Variants in WDR90 observed in about 807,000 individuals in gnomAD.
The protein encoded by WDR90 is WD repeat-containing protein 90.
Under a neutral mutation model 195.2 loss-of-function variants are expected in WDR90, and 238 were observed. The observed-to-expected ratio is 1.22, with a 90% CI of 1.10 to 1.36. WDR90 has a LOEUF of 1.36. Among genes scored for constraint, WDR90 ranks in the 40% most tolerant of loss-of-function variants. The pLI is 0.00. For synonymous variants in WDR90, 1,265 were observed against 1,052.4 expected, an observed-to-expected ratio of 1.20 and a Z score of -3.91; for missense variants, 2,734 against 2,439.5, an observed-to-expected ratio of 1.12 and a Z score of -2.54.
intron 26 of WDR90, 50 bp downstream of exon 26, chr16:659,426 G>A (rs746586937): frequency 3.8e-6 from 6 of 1,570,490 alleles, no homozygotes; most frequent in Non-Finnish European, 5.2e-6. Context: ...GGTCTGAGAG[G>A]GCACAGGCCC....
chr16:662,772 G>A lies in WDR90; in HGVS notation c.4239G>A (p.Thr1413=), dbSNP rs760284109. 17 of 1,607,914 alleles carry A rather than the reference G, an allele frequency of 1.1e-5. No homozygotes were observed. The highest frequency in any genetic ancestry group is 4.0e-5 in the African/African-American group (3 of 74,890). Residue 1413 remains threonine (T), a synonymous_variant, in exon 34 of 41, where the codon ACG becomes ACA. Transcript: ENST00000293879. ...TGGACATGGGCGTCGTGGGCACCAC[G>A]GCGGGCACGCTGTGGTTTGTCAGCT... is the stretch of plus-strand genomic sequence containing the variant. ...DSVDMGVVGT[T]AGTLWFVSWA... is the part of the protein sequence containing the mutation.
chr16:659,819 G>A (rs1397662741), intron 26 of WDR90, among the ~76,000 whole-genome samples: 2 of 152,208 alleles, frequency 1.3e-5, no homozygotes, highest in Admixed American at 6.5e-5. Flanking sequence ...GGAGGGCAGG[G>A]CAGGGACGCT....
chr16:657,936 G>C (rs777209282), intron 21 of WDR90, 44 bp downstream of exon 21: 2 of 1,504,090 alleles, frequency 1.3e-6, no homozygotes, highest in Non-Finnish European at 1.8e-6. Flanking sequence ...TGGGCCATGA[G>C]AGGCTGGCTG....
In WDR90 at chr16:667,787, T is replaced by C; in HGVS notation, c.*198T>C. 1 of 730,414 alleles carries C rather than the reference T, an allele frequency of 1.4e-6. No homozygotes were observed. Among genetic ancestry groups the C allele is most frequent in the Non-Finnish European group, 2.4e-6 (1 of 424,218 alleles). The allele number at this position is 730,414 out of a possible 1,614,324, so 45.2% of individuals were successfully genotyped here. On this transcript the variant is annotated 3_prime_UTR_variant, in exon 41 of 41. Coordinates refer to ENST00000293879, the MANE Select transcript of WDR90 (RefSeq NM_145294.5). The stretch of plus-strand genomic sequence containing the variant: ...ACCTGTTGCCCTTTTGCCTAAGAAA[T>C]CTTTAATGTTTCTATCTTGTAATAA...
Position 667,520 on chromosome 16 carries a change from AC to A in WDR90, c.5180del (p.Pro1727ArgfsTer87), listed in dbSNP as rs746090336. ...DNAVHLCRFTPSARLLFTAAR... is the reference protein window; with the variant it reads ...DNAVHLCRFTXSARLLFTAAR... ...ACGCAGTGCACCTGTGCAGGTTTAC[AC>A]CGTCCGCCAGGCTGCTCTTCACGGC... On this transcript the variant is annotated frameshift_variant, in exon 41 of 41. Transcript: ENST00000293879. LOFTEE classifies it high-confidence loss of function. The A allele has an allele frequency of 2.4e-5, 39 of 1,612,414 alleles. No homozygotes were observed. The East Asian group carries it at 7.8e-4, about 32-fold the overall frequency.
intron 7 of WDR90, among the ~76,000 whole-genome samples, 172 bp downstream of exon 7, chr16:651,438 T>C (rs900784550): frequency 9.2e-5 from 14 of 151,982 alleles, no homozygotes; most frequent in African/African-American, 3.4e-4. Context: ...GGGTGGGAAG[T>C]CTGTGTGAGG....
At chr16:649,202 A>G (rs1477031736), upstream of WDR90, 3 of 460,718 alleles carry the variant, frequency 6.5e-6, no homozygotes, top group Non-Finnish European at 3.5e-6. Context: ...CCCGCGGGGC[A>G]AAGGGCAGCG....
chr16:656,619 T>C, intron 18 of WDR90, 82 bp downstream of exon 18: 2 of 1,573,930 alleles, frequency 1.3e-6, no homozygotes, highest in African/African-American at 1.3e-5. Context: ...GAGAGGGGCC[T>C]ATAGGGACCT....
intron 20 of WDR90, among the ~76,000 whole-genome samples, 167 bp from the exon 21 acceptor site, chr16:657,595 G>A (rs748989141): frequency 3.3e-5 from 5 of 152,324 alleles, no homozygotes; most frequent in Admixed American, 1.3e-4. Context: ...CCCTGGCAGC[G>A]CCTGGCGCCC....
chr16:650,215 C>T (rs149400734), intron 3 of WDR90, 39 bp from the exon 4 acceptor site: 149 of 1,610,746 alleles, frequency 9.3e-5, no homozygotes, highest in Middle Eastern at 8.3e-4. Context: ...GGCACCCCTG[C>T]GGCCCCTGTC....
intron 26 of WDR90, 149 bp downstream of exon 26, chr16:659,525 G>A: frequency 8.7e-7 from 1 of 1,149,380 alleles, no homozygotes; most frequent in East Asian, 2.6e-5. Flanking sequence ...TCGGGGTGGG[G>A]GCAGCTTTTC....
chr16:650,176 C>G lies in WDR90; in HGVS notation c.279+9C>G. 6.2e-7 allele frequency: 1 copy of G among 1,611,542 alleles called. No homozygotes were observed. On this transcript the variant is annotated intron_variant, in intron 3 of 40. Transcript: ENST00000293879. ...TCGATGTGTCCTCCAAGGTACGGAG[C>G]CCGCGGCTGGGGGCTGCGTGGGAGC...
rs2037666255 is a variant in WDR90 at position 652,473 on chromosome 16, C to T, written c.1060C>T (p.Leu354Phe). The T allele has an allele frequency of 6.2e-7, 1 of 1,607,250 alleles. No homozygotes were observed. ...ATGCGAATGGCTGTTTCAGGGCTTC[C>T]TCCCAGACCCAGTCCTGAGGCTCAA... ...VARTGSCEGF[L>F]PDPVLRLKGV... Residue 354 changes from leucine to phenylalanine, a missense_variant, in exon 10 of 41, where the codon CTC (leucine) becomes TTC (phenylalanine). Leu to Phe is a conservative substitution (Grantham distance 22). Coordinates refer to ENST00000293879, the MANE Select transcript of WDR90 (RefSeq NM_145294.5).
intron 34 of WDR90, chr16:665,124 C>T: frequency 5.3e-6 from 1 of 188,308 alleles, no homozygotes; most frequent in East Asian, 1.2e-4. Flanking sequence ...CTGTCAGTGG[C>T]ACCTGCATAA....
At chr16:662,353 G>C (rs2037935280) in intron 33 of WDR90, 22 bp downstream of exon 33, 1 of 1,547,314 alleles carries the variant, frequency 6.5e-7, no homozygotes, top group Non-Finnish European at 8.7e-7. Flanking sequence ...ACCCCTACGT[G>C]TTTTGGCTGC....
Position 650,277 on chromosome 16 carries a change from T to C in WDR90, c.303T>C (p.Ser101=), listed in dbSNP as rs1458692488. Residue 101 remains serine (S), a synonymous_variant, in exon 4 of 41, where the codon TCT becomes TCC. Coordinates refer to ENST00000293879, the MANE Select transcript of WDR90 (RefSeq NM_145294.5). ...AGGACAACCAAGTCATCCGTGTGTC[T>C]TTCTCCAACCTCTTCAAGGAGTTTA... is the stretch of plus-strand genomic sequence containing the variant. ...SSKDNQVIRV[S]FSNLFKEFKS... 6 of 1,612,954 alleles carry C rather than the reference T, an allele frequency of 3.7e-6. No homozygotes were observed. The highest frequency in any genetic ancestry group is 1.3e-5 in the African/African-American group (1 of 75,052).
In WDR90 at chr16:662,238, G is replaced by A. The variant is rs1267043674; in HGVS notation, c.4052G>A (p.Gly1351Asp). 3 of 1,577,102 alleles carry A rather than the reference G, an allele frequency of 1.9e-6. No homozygotes were observed. Among genetic ancestry groups the A allele is most frequent in the Non-Finnish European group, 2.6e-6 (3 of 1,162,744 alleles). The change falls in exon 33 of 41, where the codon GGT (glycine) becomes GAT (aspartate). Residue 1351 changes from glycine (G) to aspartate (D), a missense_variant. Gly to Asp is a moderately conservative substitution (Grantham distance 94). Coordinates refer to ENST00000293879, the MANE Select transcript of WDR90 (RefSeq NM_145294.5). ...DGGIGLLLFS[G>D]SRLVSGSSTG... is the part of the protein sequence containing the mutation. ...CCCCTAGGGCTGTTGCTGTTCTCGGGTTCTCGATTGGTCAGCGGCAGCAGC... is the reference window on the plus strand; with the variant it reads ...CCCCTAGGGCTGTTGCTGTTCTCGGATTCTCGATTGGTCAGCGGCAGCAGC...
In WDR90 at chr16:661,413, C is replaced by T. The variant is rs764954994; in HGVS notation, c.3585C>T (p.Gly1195=). ...AGATCCGCGTCTGGGACGTGTCTGG[C>T]GGCCTCTGCCAGCATCTCATTTTCC... The part of the protein sequence containing the change: ...HCQIRVWDVS[G]GLCQHLIFPH... Residue 1195 remains glycine (G), a synonymous_variant, in exon 30 of 41, where the codon GGC becomes GGT. Transcript: ENST00000293879. 18 of 1,612,104 alleles carry T rather than the reference C, an allele frequency of 1.1e-5. No homozygotes were observed. The highest frequency in any genetic ancestry group is 4.4e-5 in the South Asian group (4 of 91,046).
chr16:662,097 C>T (rs1389474884), intron 32 of WDR90, 38 bp downstream of exon 32: 2 of 1,583,574 alleles, frequency 1.3e-6, no homozygotes, highest in Non-Finnish European at 1.7e-6. Flanking sequence ...CCTCAGGACC[C>T]CTACCTGGGA....
Sources: gnomAD v4.1 joint callset for allele counts (sites outside exome capture counted in the v4.1 genomes callset) on GRCh38, gnomAD v4.1.1 for gene constraint, MANE v1.5 for transcripts, NCBI Gene and HGNC (gene_info 2026-07-23, HGNC 2026-07-21) for gene names.